The following WDR41 variants were observed in gnomAD, a reference collection of about 807,000 sequenced individuals.
WDR41 encodes WD repeat domain 41, also known as WD repeat-containing protein 41.
A neutral mutation model predicts 69.3 loss-of-function variants in WDR41; 63 were observed. That is an observed-to-expected ratio of 0.91 (90% confidence interval 0.74 to 1.12). The LOEUF is 1.12. Among genes scored for constraint, WDR41 ranks in the 50% most tolerant of loss-of-function variants. The probability of loss-of-function intolerance (pLI) is 0.00; values close to 1 mark genes in which losing one functional copy is unlikely to be tolerated. For missense variants in WDR41, 543 were observed against 534.5 expected (o/e 1.02, Z -0.16); for synonymous variants, 185 against 192.1 (o/e 0.96, Z 0.31).
Position 77,486,529 on chromosome 5 carries a change from G to T in WDR41, c.167+2928C>A, listed in dbSNP as rs938236249. On this transcript the variant is annotated intron_variant, in intron 2 of 12. Transcript: ENST00000296679. ...CTGAATTTGTGCCAGCTCCTAACTT[G>T]CTTTGGCTGACGAAACAGCAGCAAA... Among the ~76,000 whole-genome samples, 2 of 152,162 alleles carry T rather than the reference G, an allele frequency of 1.3e-5. 1 individual carries two copies. Among genetic ancestry groups the T allele is most frequent in the Admixed American group, 1.3e-4 (2 of 15,278 alleles).
intron 1 of WDR41, among the ~76,000 whole-genome samples, chr5:77,518,791 T>G (rs142068098): frequency 6.0e-4 from 92 of 152,228 alleles, no homozygotes; most frequent in Non-Finnish European, 1.1e-3. Context: ...GTTTCAAGGA[T>G]ACTACTTTCA....
intron 1 of WDR41, among the ~76,000 whole-genome samples, chr5:77,499,955 T>C (rs995050864): frequency 1.7e-5 from 2 of 117,996 alleles, no homozygotes; most frequent in Non-Finnish European, 3.5e-5. Context: ...GTCAGGTTAA[T>C]TGCTTGTTAA....
chr5:77,486,042 T>C (rs562937741), intron 2 of WDR41, among the ~76,000 whole-genome samples: 1 of 152,326 alleles, frequency 6.6e-6, no homozygotes, highest in African/African-American at 2.4e-5. Context: ...TTCTCTAATT[T>C]GACAATGCAT....
At chr5:77,453,648 A>G (rs1273021083) in intron 6 of WDR41, among the ~76,000 whole-genome samples, 169 bp downstream of exon 6, 2 of 152,224 alleles carry the variant, frequency 1.3e-5, no homozygotes, top group African/African-American at 4.8e-5. Context: ...GGATAAAAAT[A>G]TATTTTACAC....
intron 1 of WDR41, among the ~76,000 whole-genome samples, chr5:77,503,168 G>A (rs1802046042): frequency 9.9e-6 from 1 of 100,882 alleles, no homozygotes; most frequent in Non-Finnish European, 1.8e-5. Context: ...GATGGAGGAA[G>A]ATCTACCAAG....
intron 1 of WDR41, among the ~76,000 whole-genome samples, chr5:77,620,203 CTG>C (rs1744754474): frequency 6.6e-6 from 1 of 151,980 alleles, no homozygotes; most frequent in Non-Finnish European, 1.5e-5. Flanking sequence ...CAGAATGCCT[CTG>C]TGCAAACTCT....
chr5:77,555,060 T>A lies in WDR41; in HGVS notation c.42+65419A>T, dbSNP rs1430071174. 2.0e-5 allele frequency among the ~76,000 whole-genome samples: 3 copies of A among 151,718 alleles called. No individual in the cohort carries two copies. The East Asian group carries it at 5.8e-4, about 29-fold the overall frequency. ...CCTGATTGTACCACTGCATTCCAGC[T>A]TGGGTGAGACAACAAGACCCTGTTT... is the stretch of plus-strand genomic sequence containing the variant. On this transcript the variant is annotated intron_variant, in intron 1 of 5. Coordinates refer to the WDR41 transcript ENST00000509971.
intron 1 of WDR41, among the ~76,000 whole-genome samples, chr5:77,562,166 C>T (rs146233738): frequency 3.9e-5 from 6 of 152,142 alleles, no homozygotes; most frequent in East Asian, 3.9e-4. Context: ...GATTTAGTGC[C>T]GATCTGCTGC....
chr5:77,532,716 T>C (rs1802546478), intron 1 of WDR41, among the ~76,000 whole-genome samples: 1 of 151,884 alleles, frequency 6.6e-6, no homozygotes, highest in African/African-American at 2.4e-5. Context: ...AAAGAACATA[T>C]ATGTAACTCA....
At chr5:77,474,833 C>G (rs1800824209) in intron 2 of WDR41, among the ~76,000 whole-genome samples, 1 of 152,120 alleles carries the variant, frequency 6.6e-6, no homozygotes, top group Non-Finnish European at 1.5e-5. Context: ...CCAATAGGAA[C>G]AGCTCCGGTC....
In WDR41 at chr5:77,573,607, C is replaced by T. The variant is rs79723777; in HGVS notation, c.42+46872G>A. On this transcript the variant is annotated intron_variant, in intron 1 of 5. Coordinates refer to the WDR41 transcript ENST00000509971. ...TGAAGAACTGTTCTGCTTGCAGCCACGGAATTTCCAACTATAGCCACTAAA... is the reference window on the plus strand; with the variant it reads ...TGAAGAACTGTTCTGCTTGCAGCCATGGAATTTCCAACTATAGCCACTAAA... 5.0e-3 allele frequency among the ~76,000 whole-genome samples: 763 copies of T among 152,224 alleles called. 3 individuals are homozygous for T. Among genetic ancestry groups the T allele is most frequent in the African/African-American group, 0.017 (708 of 41,538 alleles).
chr5:77,522,457 C>T (rs150795720), intron 1 of WDR41, among the ~76,000 whole-genome samples: 291 of 152,094 alleles, frequency 1.9e-3, no homozygotes, highest in African/African-American at 5.9e-3. Context: ...CTGGCCAACA[C>T]GATGAAATCT....
chr5:77,604,457 G>T (rs890412648), intron 1 of WDR41, among the ~76,000 whole-genome samples: 1 of 152,098 alleles, frequency 6.6e-6, no homozygotes, highest in Non-Finnish European at 1.5e-5. Flanking sequence ...GTCTTTCAAG[G>T]CTCAATCTTT....
intron 1 of WDR41, among the ~76,000 whole-genome samples, chr5:77,534,047 T>C (rs950017457): frequency 1.3e-5 from 2 of 152,178 alleles, no homozygotes; most frequent in African/African-American, 4.8e-5. Context: ...TATTAACCTA[T>C]AAAATACAAT....
At chr5:77,555,348 A>G (rs970723431) in intron 1 of WDR41, among the ~76,000 whole-genome samples, 4 of 152,314 alleles carry the variant, frequency 2.6e-5, no homozygotes, top group African/African-American at 9.6e-5. Flanking sequence ...TCACTTTGTC[A>G]CACAGGCTGA....
chr5:77,473,356 G>A (rs1381893888), intron 2 of WDR41, among the ~76,000 whole-genome samples: 1 of 152,080 alleles, frequency 6.6e-6, no homozygotes, highest in African/African-American at 2.4e-5. Flanking sequence ...AGAAAACCTA[G>A]GCAATACCAT....
chr5:77,568,334 C>G (rs1743674619), intron 1 of WDR41, among the ~76,000 whole-genome samples: 1 of 152,148 alleles, frequency 6.6e-6, no homozygotes, highest in East Asian at 1.9e-4. Flanking sequence ...AACAGTTCCC[C>G]TTTGTGCCAG....
chr5:77,481,304 G>A (rs1650444), intron 2 of WDR41, among the ~76,000 whole-genome samples: 86,770 of 151,526 alleles, frequency 0.57, 26,715 homozygotes, highest in African/African-American at 0.8. Context: ...CATCATACCC[G>A]GCCCCTTGTG....
At chr5:77,479,194 C>A (rs1170517966) in intron 2 of WDR41, among the ~76,000 whole-genome samples, 1 of 151,820 alleles carries the variant, frequency 6.6e-6, no homozygotes, top group Non-Finnish European at 1.5e-5. Flanking sequence ...AATGGAAGAA[C>A]ATTCCATGCT....
Sources: gnomAD v4.1 joint callset for allele counts (sites outside exome capture counted in the v4.1 genomes callset) on GRCh38, gnomAD v4.1.1 for gene constraint, MANE v1.5 for transcripts, NCBI Gene and HGNC (gene_info 2026-07-23, HGNC 2026-07-21) for gene names.